The following ACACA variants were observed in gnomAD, a reference collection of about 807,000 sequenced individuals.
ACACA encodes the protein acetyl-CoA carboxylase 1.
Under a neutral mutation model 296.1 loss-of-function variants are expected in ACACA, and 103 were observed. That is an observed-to-expected ratio of 0.35 (90% confidence interval 0.30 to 0.41). The LOEUF is 0.41. Among genes scored for constraint, ACACA ranks in the 10% least tolerant of loss-of-function variants. The probability of loss-of-function intolerance (pLI) is 1.00; values close to 1 mark genes in which losing one functional copy is unlikely to be tolerated. For missense variants in ACACA, 1,554 were observed against 2,989.7 expected (o/e 0.52, Z 11.20); for synonymous variants, 953 against 1,038.6 (o/e 0.92, Z 1.58).
At chr17:37,400,740 C>CTG (rs71135716) in intron 1 of ACACA, among the ~76,000 whole-genome samples, 2,457 of 147,428 alleles carry the variant, frequency 0.017, 38 homozygotes, top group African/African-American at 0.037. Context: ...GTGTGTGTGT[C>CTG]TGTGTGTGTG....
intron 39 of ACACA, among the ~76,000 whole-genome samples, chr17:37,181,659 G>A (rs566761837): frequency 2.0e-5 from 3 of 152,080 alleles, no homozygotes; most frequent in Admixed American, 1.3e-4. Context: ...CAGCACTTTG[G>A]GAGGCCAAGG....
chr17:37,235,017 G>A lies in ACACA; in HGVS notation c.3204C>T (p.His1068=), dbSNP rs112050484. ...MNTVLNYIFS[H]AQVTKKNLLV... ...GAAGATTCTTCTTGGTGACTTGAGC[G>A]TGAGAGAAGATGTAGTTCAGTACAG... is the stretch of plus-strand genomic sequence containing the variant. Residue 1068 remains histidine (H), a synonymous_variant, in exon 25 of 56, where the codon CAC becomes CAT. Coordinates refer to ENST00000616317, the MANE Select transcript of ACACA (RefSeq NM_198834.3). 5.6e-5 allele frequency: 91 copies of A among 1,613,610 alleles called. No homozygotes were observed. The Middle Eastern group carries it at 6.6e-4, about 12-fold the overall frequency.
At chr17:37,404,570 A>ATT (rs5820212) in intron 1 of ACACA, among the ~76,000 whole-genome samples, 12,427 of 104,596 alleles carry the variant, frequency 0.12, 947 homozygotes, top group East Asian at 0.22. Flanking sequence ...TGCCACAGTG[A>ATT]TTTTTTTTTT....
intron 29 of ACACA, among the ~76,000 whole-genome samples, chr17:37,213,616 A>G (rs1024032927): frequency 6.6e-6 from 1 of 152,190 alleles, no homozygotes; most frequent in African/African-American, 2.4e-5. Context: ...GGTGTCATAA[A>G]CCACAATCTA....
chr17:37,239,130 G>A (rs976590127), intron 24 of ACACA, among the ~76,000 whole-genome samples: 4 of 151,854 alleles, frequency 2.6e-5, no homozygotes, highest in African/African-American at 4.8e-5. Flanking sequence ...CATCTAGCCT[G>A]CTATTTTAAT....
At chr17:37,159,413 T>TA (rs1491341221) in intron 42 of ACACA, among the ~76,000 whole-genome samples, 2 of 151,664 alleles carry the variant, frequency 1.3e-5, no homozygotes, top group African/African-American at 4.9e-5. Flanking sequence ...GTAGAGATGG[T>TA]ATTTCGCTAT....
In ACACA at chr17:37,117,452, T is replaced by A. The variant is rs77998428; in HGVS notation, c.6274+3903A>T. 9.2e-3 allele frequency among the ~76,000 whole-genome samples: 1,398 copies of A among 152,334 alleles called. 18 individuals carry two copies. The highest frequency in any genetic ancestry group is 0.032 in the African/African-American group (1,333 of 41,562). ...GAAAAGCCAACTGAGAGTGACCCTG[T>A]AGCACCAGCAGTGAGGCAGCTTAAT... is the stretch of plus-strand genomic sequence containing the variant. On this transcript the variant is annotated intron_variant, in intron 50 of 55. Coordinates refer to ENST00000616317, the MANE Select transcript of ACACA (RefSeq NM_198834.3).
At chr17:37,150,080 C>G (rs2075973410) in intron 44 of ACACA, 106 bp from the exon 45 acceptor site, 11 of 987,098 alleles carry the variant, frequency 1.1e-5, no homozygotes, top group Non-Finnish European at 1.6e-5. Context: ...ATAAACATTG[C>G]TTTTTATGAA....
intron 49 of ACACA, 53 bp downstream of exon 49, chr17:37,122,478 G>T: frequency 7.0e-7 from 1 of 1,427,512 alleles, no homozygotes; most frequent in Non-Finnish European, 9.9e-7. Flanking sequence ...CACAGGCACT[G>T]CGAAGAGAAA....
intron 1 of ACACA, among the ~76,000 whole-genome samples, chr17:37,389,897 A>T (rs2050717893): frequency 6.6e-6 from 1 of 151,100 alleles, no homozygotes; most frequent in South Asian, 2.1e-4. Context: ...ATCAGTCCAG[A>T]CATGATACAA....
At chr17:37,160,858 C>T (rs901688693) in intron 42 of ACACA, among the ~76,000 whole-genome samples, 2 of 152,080 alleles carry the variant, frequency 1.3e-5, no homozygotes, top group Admixed American at 1.3e-4. Context: ...GTGAGTTCAA[C>T]TCAATGGTAC....
rs764643223 is a variant in ACACA at position 37,246,792 on chromosome 17, T to TA, written c.2460+33_2460+34insT. 8.1e-6 allele frequency: 13 copies of TA among 1,611,786 alleles called. No homozygotes were observed. The East Asian group carries it at 2.9e-4, about 36-fold the overall frequency. On this transcript the variant is annotated intron_variant, in intron 19 of 55. Transcript: ENST00000616317. ...AGCCGACCCTTTTCCTACCTTCCCC[T>TA]CCCATGATCCCACAGTCCTTTCACC...
intron 14 of ACACA, among the ~76,000 whole-genome samples, chr17:37,256,686 G>T (rs899069978): frequency 5.3e-5 from 8 of 152,072 alleles, no homozygotes; most frequent in Admixed American, 5.2e-4. Context: ...GAGCTATGAT[G>T]GCACCACTGC....
At chr17:37,184,108 T>A (rs1229964048) in intron 39 of ACACA, among the ~76,000 whole-genome samples, 1 of 152,092 alleles carries the variant, frequency 6.6e-6, no homozygotes, top group Non-Finnish European at 1.5e-5. Flanking sequence ...CACCTCGGCC[T>A]CCCAAAGTGC....
At position 37,191,294 on chromosome 17, in the gene ACACA, A is replaced by G; in HGVS notation, c.4417-19T>C. The G allele has an allele frequency of 6.2e-7, 1 of 1,610,208 alleles. No individual in the cohort carries two copies. The highest frequency in any genetic ancestry group is 8.5e-7 in the Non-Finnish European group (1 of 1,177,138). On this transcript the variant is annotated intron_variant, in intron 37 of 55. Coordinates refer to ENST00000616317, the MANE Select transcript of ACACA (RefSeq NM_198834.3). ...AAGCTTCCTATACAGGAAGAAAATA[A>G]TCAACATTAATGTAGTTTAAAAGAG... is the stretch of plus-strand genomic sequence containing the variant.
intron 3 of ACACA, among the ~76,000 whole-genome samples, chr17:37,293,780 T>C (rs537550347): frequency 2.0e-5 from 3 of 152,120 alleles, no homozygotes; most frequent in African/African-American, 7.2e-5. Flanking sequence ...CCTCGGGTGA[T>C]CCACCCTCCT....
chr17:37,293,468 C>T (rs1326745946), intron 3 of ACACA, among the ~76,000 whole-genome samples: 1 of 151,966 alleles, frequency 6.6e-6, no homozygotes, highest in Admixed American at 6.6e-5. Context: ...AAACATATTT[C>T]CCCATGTCAC....
rs754800359 is a variant in ACACA, at chr17:37,388,831, C to A, written c.38+17431G>T. ...GTTGTATTGAATCCTTGAACTTGAC[C>A]CATAAAGACTTTCTTCTGTTCCAGA... is the stretch of plus-strand genomic sequence containing the variant. On this transcript the variant is annotated intron_variant, in intron 1 of 55. Transcript: ENST00000616317. 5 of 1,608,100 alleles carry A rather than the reference C, an allele frequency of 3.1e-6. No individual in the cohort carries two copies. In the Admixed American group the frequency reaches 8.4e-5, roughly 27 times the overall value.
chr17:37,379,030 A>T, intron 1 of ACACA: 1 of 1,336,958 alleles, frequency 7.5e-7, no homozygotes, highest in Non-Finnish European at 1.0e-6. Context: ...CATGATTGCG[A>T]CACTGCACTC....
Sources: allele counts gnomAD v4.1 joint callset (sites outside exome capture counted in the v4.1 genomes callset), GRCh38; gene constraint gnomAD v4.1.1; transcripts MANE v1.5; gene names NCBI Gene and HGNC (gene_info 2026-07-23, HGNC 2026-07-21).